The following KCNK5 variants were observed in gnomAD, a reference collection of about 807,000 sequenced individuals.
The protein encoded by KCNK5 is potassium two pore domain channel subfamily K member 5.
In KCNK5, 18 loss-of-function variants were observed where a neutral mutation model predicts 32.9. The observed-to-expected ratio is 0.55, with a 90% CI of 0.38 to 0.81. KCNK5 has a LOEUF of 0.81. Ranked by LOEUF, KCNK5 falls within the 30% of genes least tolerant of loss-of-function variation. The pLI is 0.00. For missense variants in KCNK5, 507 were observed against 651.0 expected (o/e 0.78, Z 2.41); for synonymous variants, 276 against 275.3 (o/e 1.00, Z -0.03).
rs191292290 is a variant in KCNK5 at position 39,198,921 on chromosome 6, G to C, written c.187-2934C>G. 1.6e-4 allele frequency among the ~76,000 whole-genome samples: 24 copies of C among 152,288 alleles called. No individual in the cohort carries two copies. The East Asian group carries it at 4.1e-3, about 26-fold the overall frequency. ...ACCAGGGTAGCCAGCATCCATCAAG[G>C]GTGTTGTGGAAGGTATGTCTGGAAC... On this transcript the variant is annotated intron_variant, in intron 1 of 4. Transcript: ENST00000359534.
chr6:39,191,865 G>T lies in KCNK5; in HGVS notation c.635-110C>A. On this transcript the variant is annotated intron_variant, in intron 4 of 4. Coordinates refer to ENST00000359534, the MANE Select transcript of KCNK5 (RefSeq NM_003740.4). The surrounding 1 kb of genome is among the most constrained non-coding windows in gnomAD (Gnocchi z 5.8). Reference sequence around the variant, plus strand: ...GGGGTCAGGCCAGAGCACAGGACGGGGGTGCAGTGGGATAGAAAGGGGCCT... The same window carrying T: ...GGGGTCAGGCCAGAGCACAGGACGGTGGTGCAGTGGGATAGAAAGGGGCCT... 1 of 1,166,656 alleles carries T rather than the reference G, an allele frequency of 8.6e-7. No individual in the cohort carries two copies. The highest frequency in any genetic ancestry group is 1.2e-6 in the Non-Finnish European group (1 of 823,984). The allele number at this position is 1,166,656 out of a possible 1,614,324, so 72.3% of individuals were successfully genotyped here. A position where few individuals can be genotyped will look rare whatever the true frequency, so the allele number is the denominator to read the frequency against.
intron 1 of KCNK5, among the ~76,000 whole-genome samples, chr6:39,228,501 A>AATGGCC (rs1771712306): frequency 1.3e-5 from 2 of 152,168 alleles, no homozygotes; most frequent in Admixed American, 1.3e-4. Context: ...CAGGCGTGGC[A>AATGGCC]CTGGCCCTGG....
chr6:39,213,108 C>CTA (rs1653482472), intron 1 of KCNK5, among the ~76,000 whole-genome samples: 1 of 152,170 alleles, frequency 6.6e-6, no homozygotes, highest in African/African-American at 2.4e-5. Context: ...GAAGGGTCAA[C>CTA]TATACACTGT....
At chr6:39,208,780 C>T (rs751098383) in intron 1 of KCNK5, among the ~76,000 whole-genome samples, 3 of 152,216 alleles carry the variant, frequency 2.0e-5, no homozygotes, top group African/African-American at 4.8e-5. Context: ...CCAACAACCT[C>T]AAAATCACTG....
At chr6:39,209,531 G>A (rs1771290565) in intron 1 of KCNK5, among the ~76,000 whole-genome samples, 1 of 152,220 alleles carries the variant, frequency 6.6e-6, no homozygotes, top group Admixed American at 6.5e-5. Context: ...GGTGAGGGAT[G>A]GGGTGGGGGT....
chr6:39,194,113 T>C lies in KCNK5; in HGVS notation c.634+56A>G. 6.3e-7 allele frequency: 1 copy of C among 1,598,776 alleles called. No homozygotes were observed. Among genetic ancestry groups the C allele is most frequent in the Non-Finnish European group, 8.6e-7 (1 of 1,166,558 alleles). On this transcript the variant is annotated intron_variant, in intron 4 of 4. Transcript: ENST00000359534. This position sits in a 1 kb window ranked among gnomAD's most constrained non-coding sequence, Gnocchi z 4.7. ...CTAGGGCACCCCCAACATAGGTCTG[T>C]TGCACTGAAACCAAAGAAGCAGAAA...
At chr6:39,200,438 A>T (rs1014771054) in intron 1 of KCNK5, among the ~76,000 whole-genome samples, 5 of 152,156 alleles carry the variant, frequency 3.3e-5, no homozygotes, top group Non-Finnish European at 5.9e-5. Context: ...GAGAGGACAG[A>T]TTCTTGCTGG....
In KCNK5 at chr6:39,194,393, AAGGCACCC is replaced by A; in HGVS notation, c.466-64_466-57del. ...ATAGTGGAGACTTGGAAACCCAGCA[AAGGCACCC>A]AGAGGGCCAGGGAGGCAGCTAGAGG... On this transcript the variant is annotated intron_variant, in intron 3 of 4. Transcript: ENST00000359534. This position sits in a 1 kb window ranked among gnomAD's most constrained non-coding sequence, Gnocchi z 4.7. 3 of 1,548,554 alleles carry A rather than the reference AAGGCACCC, an allele frequency of 1.9e-6. No individual in the cohort carries two copies. Among genetic ancestry groups the A allele is most frequent in the Non-Finnish European group, 2.6e-6 (3 of 1,145,482 alleles).
Position 39,194,184 on chromosome 6 carries a change from C to G in KCNK5, c.619G>C (p.Gly207Arg). 22 of 1,614,066 alleles carry G rather than the reference C, an allele frequency of 1.4e-5. No individual in the cohort carries two copies. Among genetic ancestry groups the G allele is most frequent in the Non-Finnish European group, 1.9e-5 (22 of 1,179,996 alleles). ...AGGGACTCACCGGCCACAAAGTCACCGAAGCCGATGGTGGAGATGGTGATG... is the reference window on the plus strand; with the variant it reads ...AGGGACTCACCGGCCACAAAGTCACGGAAGCCGATGGTGGAGATGGTGATG... ...SFITISTIGF[G>R]DFVAGVNPSA... Residue 207 changes from glycine (G) to arginine (R), a missense_variant, in exon 4 of 5, where the codon GGT becomes CGT. Transcript: ENST00000359534. This position sits in a 1 kb window ranked among gnomAD's most constrained non-coding sequence, Gnocchi z 4.7.
Position 39,229,403 on chromosome 6 carries a change from A to C in KCNK5, c.-292T>G. The C allele has an allele frequency of 2.2e-6, 1 of 455,102 alleles. No homozygotes were observed. Among genetic ancestry groups the C allele is most frequent in the Non-Finnish European group, 4.0e-6 (1 of 246,928 alleles). 28.2% of individuals were successfully genotyped at this position (455,102 alleles called of 1,614,324 possible). ...GATGCGTAAGGAGCGGGAAGAACAC[A>C]GGACTTGACTCTGGGCAGACACGTG... On this transcript the variant is annotated 5_prime_UTR_variant, in exon 1 of 5. Transcript: ENST00000359534.
chr6:39,222,339 A>G (rs1031738762), intron 1 of KCNK5, among the ~76,000 whole-genome samples: 8 of 152,228 alleles, frequency 5.3e-5, no homozygotes, highest in African/African-American at 1.9e-4. Flanking sequence ...TCACATCAGC[A>G]GGAGAAAGGA....
intron 1 of KCNK5, among the ~76,000 whole-genome samples, chr6:39,227,110 GC>G (rs938863677): frequency 1.1e-4 from 9 of 83,948 alleles, no homozygotes; most frequent in African/African-American, 2.3e-4. Flanking sequence ...CCTGGACCCC[GC>G]CCCCCCCGCC....
At position 39,191,795 on chromosome 6, in the gene KCNK5, A is replaced by G; in HGVS notation, c.635-40T>C. The G allele has an allele frequency of 6.3e-7, 1 of 1,584,142 alleles. No individual in the cohort carries two copies. Among genetic ancestry groups the G allele is most frequent in the African/African-American group, 1.3e-5 (1 of 74,296 alleles). ...AGTCCAGAGGTCAGGAAGAGTTAGC[A>G]GGGCCCGGGAAATGTGCAATGGCCA... On this transcript the variant is annotated intron_variant, in intron 4 of 4. Coordinates refer to ENST00000359534, the MANE Select transcript of KCNK5 (RefSeq NM_003740.4). This position sits in a 1 kb window ranked among gnomAD's most constrained non-coding sequence, Gnocchi z 5.8.
chr6:39,200,457 T>C (rs973129883), intron 1 of KCNK5, among the ~76,000 whole-genome samples: 9 of 152,172 alleles, frequency 5.9e-5, no homozygotes, highest in Non-Finnish European at 1.3e-4. Flanking sequence ...GGGAAGATAC[T>C]ATAATTTTTT....
At position 39,194,526 on chromosome 6, in the gene KCNK5, C is replaced by T; in HGVS notation, c.465+68G>A. 6.4e-7 allele frequency: 1 copy of T among 1,550,688 alleles called. No individual in the cohort carries two copies. The highest frequency in any genetic ancestry group is 8.8e-7 in the Non-Finnish European group (1 of 1,135,772). ...ACACCCTTGGTCCAATTCCTAGAGG[C>T]CTCCTGTCCTCCCCTCACCTGTCAT... is the stretch of plus-strand genomic sequence containing the variant. On this transcript the variant is annotated intron_variant, in intron 3 of 4. Transcript: ENST00000359534. The surrounding 1 kb of genome is among the most constrained non-coding windows in gnomAD (Gnocchi z 4.7).
At chr6:39,225,160 G>T (rs369795235) in intron 1 of KCNK5, among the ~76,000 whole-genome samples, 1 of 152,122 alleles carries the variant, frequency 6.6e-6, no homozygotes, top group East Asian at 1.9e-4. Flanking sequence ...GTGGGTTTAT[G>T]TATCCTTTTC....
chr6:39,200,315 G>T (rs2815103), intron 1 of KCNK5, among the ~76,000 whole-genome samples: 1 of 151,978 alleles, frequency 6.6e-6, no homozygotes, highest in Non-Finnish European at 1.5e-5. Context: ...GTTTGGGAAC[G>T]GAGTAGAGTT....
chr6:39,206,826 T>C (rs1330309812), intron 1 of KCNK5, among the ~76,000 whole-genome samples: 4 of 152,100 alleles, frequency 2.6e-5, no homozygotes, highest in African/African-American at 4.8e-5. Flanking sequence ...ATGGCTTCAC[T>C]GTGTTGGCGC....
At chr6:39,197,273 G>C (rs1330780442) in intron 1 of KCNK5, among the ~76,000 whole-genome samples, 4 of 152,236 alleles carry the variant, frequency 2.6e-5, no homozygotes, top group African/African-American at 7.2e-5. Flanking sequence ...AAGGGCATGG[G>C]TGGGTTGTTC....
Sources: allele counts gnomAD v4.1 joint callset (sites outside exome capture counted in the v4.1 genomes callset), GRCh38; gene constraint gnomAD v4.1.1; non-coding constraint Gnocchi (gnomAD v3.1); transcripts MANE v1.5; gene names NCBI Gene and HGNC (gene_info 2026-07-23, HGNC 2026-07-21).